Variants in CPHXL observed in about 807,000 individuals in gnomAD.
CPHXL encodes the protein cytoplasmic polyadenylated homeobox-like protein.
intron 2 of CPHXL, among the ~76,000 whole-genome samples, chr16:75,716,778 T>G (rs1358960858): frequency 2.0e-5 from 3 of 152,216 alleles, no homozygotes; most frequent in Non-Finnish European, 4.4e-5. Context: ...CCTGGATCTT[T>G]CCAGCTTTCA....
At chr16:75,726,073 T>TGAG (rs1555519911) in intron 1 of CPHXL, among the ~76,000 whole-genome samples, 1 of 140,766 alleles carries the variant, frequency 7.1e-6, no homozygotes, top group Admixed American at 7.9e-5. Context: ...GTGGAACAAT[T>TGAG]GAGGTTAAGA....
chr16:75,715,023 G>A lies in CPHXL; in HGVS notation c.419C>T (p.Ser140Phe), dbSNP rs566267895. 6 of 398,646 alleles carry A rather than the reference G, an allele frequency of 1.5e-5. No individual in the cohort carries two copies. Among genetic ancestry groups the A allele is most frequent in the Middle Eastern group, 1.3e-3 (2 of 1,594 alleles). 24.7% of individuals were successfully genotyped at this position (398,646 alleles called of 1,614,324 possible). Reference sequence around the variant, plus strand: ...GGGAATCCACTGTTTCTCCAGATGGGAGCAACCAGCTCTTCTCATCAGAGC... The same window carrying A: ...GGGAATCCACTGTTTCTCCAGATGGAAGCAACCAGCTCTTCTCATCAGAGC... ...QRALMRRAGC[S>F]HLEKQWIPSQ... Residue 140 changes from serine (S) to phenylalanine (F), a missense_variant, in exon 3 of 3, where the codon TCC (serine) becomes TTC (phenylalanine). Coordinates refer to ENST00000640559, the MANE Select transcript of CPHXL (RefSeq NM_001355613.1).
chr16:75,719,170 G>C (rs1163722197), intron 1 of CPHXL, among the ~76,000 whole-genome samples: 1 of 152,238 alleles, frequency 6.6e-6, no homozygotes, highest in Non-Finnish European at 1.5e-5. Flanking sequence ...ACAGCTCCCA[G>C]CGTGAGCAAC....
intron 1 of CPHXL, among the ~76,000 whole-genome samples, chr16:75,725,730 G>C (rs980990871): frequency 6.9e-6 from 1 of 145,166 alleles, no homozygotes; most frequent in Non-Finnish European, 1.5e-5. Context: ...GGGATTACAG[G>C]AGTGAGCCAC....
intron 1 of CPHXL, among the ~76,000 whole-genome samples, chr16:75,720,889 A>G (rs1012320696): frequency 1.2e-4 from 18 of 152,382 alleles, no homozygotes; most frequent in African/African-American, 4.3e-4. Context: ...AGCCTATCAG[A>G]CTAACAGCGG....
chr16:75,724,001 T>C lies in CPHXL; in HGVS notation c.25+2417A>G, dbSNP rs992921603. Among the ~76,000 whole-genome samples the C allele has an allele frequency of 6.3e-4, 96 of 152,226 alleles. 1 individual carries two copies. The highest frequency in any genetic ancestry group is 6.8e-3 in the Middle Eastern group (2 of 292). On this transcript the variant is annotated intron_variant, in intron 1 of 2. Transcript: ENST00000640559. ...TACAACCATCTGATCTTTGACAAAC[T>C]TGACACAAACAAGAAATGGGGAAAG...
rs1044665080 is a variant in CPHXL, at chr16:75,714,396, G to A, written c.1046C>T (p.Ser349Leu). ...GPWDLGKQWS[S>L]AQSQLQSQLP... Reference sequence around the variant, plus strand: ...TTGACTCTGCAGCTGTGACTGAGCCGAGGACCACTGCTTCCCTAGATCCCA... The same window carrying A: ...TTGACTCTGCAGCTGTGACTGAGCCAAGGACCACTGCTTCCCTAGATCCCA... Residue 349 changes from serine (S) to leucine (L), a missense_variant, in exon 3 of 3, where the codon TCG becomes TTG. Coordinates refer to ENST00000640559, the MANE Select transcript of CPHXL (RefSeq NM_001355613.1). The A allele has an allele frequency of 1.5e-5, 6 of 398,614 alleles. No individual in the cohort carries two copies. Among genetic ancestry groups the A allele is most frequent in the South Asian group, 1.3e-4 (1 of 7,848 alleles). The allele number at this position is 398,614 out of a possible 1,614,324, so 24.7% of individuals were successfully genotyped here. A position where few individuals can be genotyped will look rare whatever the true frequency, so the allele number is the denominator to read the frequency against.
chr16:75,718,853 T>G (rs1041258949), intron 1 of CPHXL, among the ~76,000 whole-genome samples: 1 of 152,182 alleles, frequency 6.6e-6, no homozygotes, highest in Non-Finnish European at 1.5e-5. Flanking sequence ...TTAGAACTAA[T>G]TGCAGAAGAA....
chr16:75,718,969 T>G (rs1959433922), intron 1 of CPHXL, among the ~76,000 whole-genome samples: 1 of 152,188 alleles, frequency 6.6e-6, no homozygotes, highest in African/African-American at 2.4e-5. Context: ...AGCCTGAAAG[T>G]GAGCGAACAG....
At chr16:75,715,299 A>G (rs1959374779) in intron 2 of CPHXL, 77 bp from the exon 3 acceptor site, 1 of 397,924 alleles carries the variant, frequency 2.5e-6, no homozygotes, top group African/African-American at 2.1e-5. Flanking sequence ...TTAATGTAGG[A>G]GGATTTTTCT....
intron 1 of CPHXL, among the ~76,000 whole-genome samples, chr16:75,720,139 C>T (rs549505171): frequency 2.3e-4 from 35 of 152,082 alleles, no homozygotes; most frequent in Non-Finnish European, 4.7e-4. Context: ...TAGACAAAAC[C>T]ACAAAGATGG....
At chr16:75,722,294 C>CA (rs199644909) in intron 1 of CPHXL, among the ~76,000 whole-genome samples, 16,676 of 151,860 alleles carry the variant, frequency 0.11, 2,306 homozygotes, top group East Asian at 0.65. Flanking sequence ...AAAAAACCTT[C>CA]AAAAAAATCA....
chr16:75,724,569 A>T (rs1434310643), intron 1 of CPHXL, among the ~76,000 whole-genome samples: 7 of 152,246 alleles, frequency 4.6e-5, no homozygotes, highest in Non-Finnish European at 8.8e-5. Context: ...TCAAAACCAC[A>T]ATGAGATACC....
In CPHXL at chr16:75,715,151, C is replaced by G. The variant is rs1959372581; in HGVS notation, c.291G>C (p.Lys97Asn). The G allele has an allele frequency of 2.5e-6, 1 of 398,886 alleles. No individual in the cohort carries two copies. Among genetic ancestry groups the G allele is most frequent in the South Asian group, 1.3e-4 (1 of 7,868 alleles). 24.7% of individuals were successfully genotyped at this position (398,886 alleles called of 1,614,324 possible). Residue 97 changes from lysine (K) to asparagine (N), a missense_variant, in exon 3 of 3, where the codon AAG becomes AAC. By Grantham distance (94) the Lys-to-Asn change is moderately conservative. Coordinates refer to ENST00000640559, the MANE Select transcript of CPHXL (RefSeq NM_001355613.1). ...AATGGGCTTGGACTGGAAAATCATG[C>G]TTTTTCTGAAGAACAAATATTCTGC... is the stretch of plus-strand genomic sequence containing the variant. ...ERRRIFVLQK[K>N]HDFPVQAHSF...
chr16:75,715,287 C>T, intron 2 of CPHXL, 65 bp from the exon 3 acceptor site: 1 of 398,218 alleles, frequency 2.5e-6, no homozygotes. Flanking sequence ...TATATGCATT[C>T]CTTAATGTAG....
intron 1 of CPHXL, among the ~76,000 whole-genome samples, chr16:75,723,274 T>A (rs2151840114): frequency 6.6e-6 from 1 of 152,198 alleles, no homozygotes; most frequent in South Asian, 2.1e-4. Flanking sequence ...GAGAAAGAAA[T>A]AAAGGGTATT....
chr16:75,720,991 C>G (rs1017628797), intron 1 of CPHXL, among the ~76,000 whole-genome samples: 3 of 152,290 alleles, frequency 2.0e-5, no homozygotes, highest in African/African-American at 4.8e-5. Flanking sequence ...AATTTCATAT[C>G]CAGCCAAACT....
At chr16:75,716,070 T>A (rs1484158032) in intron 2 of CPHXL, among the ~76,000 whole-genome samples, 1 of 152,148 alleles carries the variant, frequency 6.6e-6, no homozygotes, top group Non-Finnish European at 1.5e-5. Context: ...AGAGTGCAAT[T>A]GTTTGAATAA....
intron 2 of CPHXL, among the ~76,000 whole-genome samples, chr16:75,717,710 G>C (rs1163379359): frequency 2.0e-5 from 3 of 152,144 alleles, no homozygotes; most frequent in Non-Finnish European, 4.4e-5. Context: ...ATCAGGGCTG[G>C]AAGCATCAGC....
Sources: allele counts gnomAD v4.1 joint callset (sites outside exome capture counted in the v4.1 genomes callset), GRCh38; gene constraint gnomAD v4.1.1; transcripts MANE v1.5; gene names NCBI Gene and HGNC (gene_info 2026-07-23, HGNC 2026-07-21).